Variants in IL1R1 observed in about 807,000 individuals in gnomAD.
IL1R1 encodes interleukin 1 receptor type 1, also known as interleukin-1 receptor type 1.
A neutral mutation model predicts 50.2 loss-of-function variants in IL1R1; 22 were observed. That is an observed-to-expected ratio of 0.44 (90% confidence interval 0.31 to 0.63). The LOEUF is 0.63. Ranked by LOEUF, IL1R1 falls within the 20% of genes least tolerant of loss-of-function variation. The pLI, the probability that IL1R1 is intolerant of heterozygous loss-of-function variation, is 0.07. For missense variants in IL1R1, 509 were observed against 676.2 expected (o/e 0.75, Z 2.74); for synonymous variants, 251 against 236.7 (o/e 1.06, Z -0.55).
At chr2:102,172,631 A>G in intron 8 of IL1R1, 56 bp from the exon 9 acceptor site, 1 of 1,463,730 alleles carries the variant, frequency 6.8e-7, no homozygotes, top group Non-Finnish European at 9.3e-7. Context: ...TACAGGTCTT[A>G]TTTGTAGTTG....
At chr2:102,094,462 T>C (rs1311198120) in intron 1 of IL1R1, among the ~76,000 whole-genome samples, 1 of 152,242 alleles carries the variant, frequency 6.6e-6, no homozygotes, top group African/African-American at 2.4e-5. Context: ...AATATGTTCC[T>C]ACATGAGATA....
At chr2:102,151,454 C>T (rs1488554164) in intron 1 of IL1R1, among the ~76,000 whole-genome samples, 2 of 152,192 alleles carry the variant, frequency 1.3e-5, no homozygotes, top group Non-Finnish European at 2.9e-5. Context: ...CCCTCCCTCT[C>T]TCCCTCCTTC....
chr2:102,160,189 A>C (rs1684588664), intron 3 of IL1R1, among the ~76,000 whole-genome samples: 1 of 152,126 alleles, frequency 6.6e-6, no homozygotes, highest in Non-Finnish European at 1.5e-5. Flanking sequence ...TACGTTATTA[A>C]ATTTATTGGC....
At chr2:102,154,773 T>G (rs1317062413) in intron 2 of IL1R1, among the ~76,000 whole-genome samples, 2 of 152,232 alleles carry the variant, frequency 1.3e-5, no homozygotes, top group African/African-American at 4.8e-5. Flanking sequence ...TGTACATGCT[T>G]CTCTGCCACC....
intron 10 of IL1R1, among the ~76,000 whole-genome samples, chr2:102,175,109 T>C (rs1686009371): frequency 1.3e-5 from 2 of 148,768 alleles, no homozygotes; most frequent in Admixed American, 6.6e-5. Context: ...CTCTCCTTTG[T>C]TTAAACTTTG....
Position 102,166,138 on chromosome 2 carries a change from A to G in IL1R1, c.512A>G (p.Asn171Ser). 6.2e-7 allele frequency: 1 copy of G among 1,613,808 alleles called. No individual in the cohort carries two copies. Residue 171 changes from asparagine to serine, a missense_variant, in exon 6 of 12, where the codon AAT (asparagine) becomes AGT (serine). Coordinates refer to ENST00000410023, the MANE Select transcript of IL1R1 (RefSeq NM_000877.4). ...GATTGCAAACCTCTACTTCTTGACA[A>G]TATACACTTTAGTGGAGTCAAAGAT... is the stretch of plus-strand genomic sequence containing the variant. ...YKDCKPLLLD[N>S]IHFSGVKDRL...
chr2:102,114,184 C>G (rs1208948357), intron 1 of IL1R1, among the ~76,000 whole-genome samples: 1 of 152,124 alleles, frequency 6.6e-6, no homozygotes, highest in Non-Finnish European at 1.5e-5. Context: ...GATATGATTA[C>G]TGAAATGATC....
intron 1 of IL1R1, among the ~76,000 whole-genome samples, chr2:102,135,646 C>T (rs776045944): frequency 5.3e-5 from 8 of 152,170 alleles, no homozygotes; most frequent in Middle Eastern, 3.4e-3. Flanking sequence ...TGCTCGAGTA[C>T]GGATTTAAAA....
chr2:102,155,575 A>G (rs1684106177), intron 2 of IL1R1, among the ~76,000 whole-genome samples: 1 of 151,924 alleles, frequency 6.6e-6, no homozygotes. Context: ...GTGACCCTTA[A>G]CGCCCATCCC....
At chr2:102,162,646 C>T (rs1051270439) in intron 3 of IL1R1, among the ~76,000 whole-genome samples, 3 of 152,006 alleles carry the variant, frequency 2.0e-5, no homozygotes, top group East Asian at 1.9e-4. Context: ...TCAGGTAACA[C>T]TATACAGTTT....
At chr2:102,073,930 G>T (rs2104269436) in intron 1 of IL1R1, among the ~76,000 whole-genome samples, 1 of 152,254 alleles carries the variant, frequency 6.6e-6, no homozygotes, top group East Asian at 1.9e-4. Flanking sequence ...ATGATGAGAG[G>T]ATGGAGGAGC....
At chr2:102,091,339 C>T (rs963586348) in intron 1 of IL1R1, among the ~76,000 whole-genome samples, 1 of 152,094 alleles carries the variant, frequency 6.6e-6, no homozygotes, top group African/African-American at 2.4e-5. Flanking sequence ...CTTTATGGTT[C>T]ACAGTAGTTT....
Position 102,177,622 on chromosome 2 carries a change from A to G in IL1R1, c.*863A>G, listed in dbSNP as rs1686253848. ...TTACAGAGCTTGAAAACTCACTTCA[A>G]TGAACAAAGGGATTCTCCAGGATTC... On this transcript the variant is annotated 3_prime_UTR_variant, in exon 12 of 12. Coordinates refer to ENST00000410023, the MANE Select transcript of IL1R1 (RefSeq NM_000877.4). 2 of 152,360 alleles carry G rather than the reference A, an allele frequency of 1.3e-5. No individual in the cohort carries two copies. The highest frequency in any genetic ancestry group is 4.1e-4 in the South Asian group (2 of 4,830). The allele number at this position is 152,360 out of a possible 1,614,324, so 9.4% of individuals were successfully genotyped here.
rs1686430605 is a variant in IL1R1 at position 102,179,775 on chromosome 2, A to AT, written c.*3022dup. On this transcript the variant is annotated 3_prime_UTR_variant, in exon 12 of 12. Transcript: ENST00000410023. ...TATATAATTTTGCAGCAGAAGCCAA[A>AT]TTTTTTGTATATTAAAGCACCAAAT... The AT allele has an allele frequency of 6.5e-6, 1 of 152,694 alleles. No homozygotes were observed. Among genetic ancestry groups the AT allele is most frequent in the Non-Finnish European group, 1.5e-5 (1 of 68,030 alleles). The allele number at this position is 152,694 out of a possible 1,614,324, so 9.5% of individuals were successfully genotyped here. A position where few individuals can be genotyped will look rare whatever the true frequency, so the allele number is the denominator to read the frequency against.
At chr2:102,075,032 T>G (rs1028128657) in intron 1 of IL1R1, among the ~76,000 whole-genome samples, 5 of 152,234 alleles carry the variant, frequency 3.3e-5, no homozygotes, top group African/African-American at 1.2e-4. Flanking sequence ...ATGCGTATTC[T>G]TTATACATTT....
At chr2:102,080,676 A>G (rs777152885) in intron 1 of IL1R1, among the ~76,000 whole-genome samples, 1 of 152,240 alleles carries the variant, frequency 6.6e-6, no homozygotes, top group Non-Finnish European at 1.5e-5. Context: ...AATGTTCAAC[A>G]TAGAGTTGCC....
intron 1 of IL1R1, among the ~76,000 whole-genome samples, chr2:102,127,397 T>C (rs1157560474): frequency 6.6e-6 from 1 of 152,192 alleles, no homozygotes; most frequent in Non-Finnish European, 1.5e-5. Context: ...GAACCTTTAA[T>C]GGGCAGAGTT....
intron 1 of IL1R1, among the ~76,000 whole-genome samples, chr2:102,152,479 T>TGG (rs1221144906): frequency 1.8e-4 from 20 of 109,988 alleles, no homozygotes; most frequent in Non-Finnish European, 3.2e-4. Context: ...CACTCCAGCC[T>TGG]GGGGGACAGA....
At chr2:102,163,569 T>C (rs1684912972) in intron 3 of IL1R1, among the ~76,000 whole-genome samples, 1 of 152,198 alleles carries the variant, frequency 6.6e-6, no homozygotes. Context: ...TTAAAATCTC[T>C]TTCATGTCTT....
Sources: gnomAD v4.1 joint callset for allele counts (sites outside exome capture counted in the v4.1 genomes callset) on GRCh38, gnomAD v4.1.1 for gene constraint, MANE v1.5 for transcripts, NCBI Gene and HGNC (gene_info 2026-07-23, HGNC 2026-07-21) for gene names.